The following PXDNL variants were observed in gnomAD, a reference collection of about 807,000 sequenced individuals.
The protein encoded by PXDNL is peroxidasin like.
PXDNL carries 145 observed loss-of-function variants against 150.8 expected under a neutral mutation model. The observed-to-expected ratio is 0.96, with a 90% CI of 0.84 to 1.10. PXDNL has a LOEUF of 1.10. Ranked by LOEUF, PXDNL falls within the 50% of genes least tolerant of loss-of-function variation. The pLI, the probability that PXDNL is intolerant of heterozygous loss-of-function variation, is 0.00. For missense variants in PXDNL, 2,087 were observed against 1,873.9 expected, an observed-to-expected ratio of 1.11 and a Z score of -2.10; for synonymous variants, 757 against 725.7, an observed-to-expected ratio of 1.04 and a Z score of -0.69.
chr8:51,739,940 G>A (rs4873589), intron 1 of PXDNL, among the ~76,000 whole-genome samples: 145,454 of 151,714 alleles, frequency 0.96, 70,032 homozygotes, highest in East Asian at 1. Context: ...TTCACAATCT[G>A]AAACACAAAA....
At chr8:51,416,602 C>CACATATAATA (rs751749946) in intron 14 of PXDNL, among the ~76,000 whole-genome samples, 12 of 152,292 alleles carry the variant, frequency 7.9e-5, no homozygotes, top group Non-Finnish European at 1.6e-4. Flanking sequence ...TATAAGGTGG[C>CACATATAATA]TTTCACGATT....
At position 51,371,755 on chromosome 8, in the gene PXDNL, T is replaced by C. The variant is rs1807119651; in HGVS notation, c.3901+118A>G. ...TGTCAGATTTCCAAAAGGAAAGTTC[T>C]GTGTTGTTGGCTTTTTGCGTATCTT... On this transcript the variant is annotated intron_variant, in intron 19 of 22. Transcript: ENST00000356297. 31 of 937,508 alleles carry C rather than the reference T, an allele frequency of 3.3e-5. No individual in the cohort carries two copies. In the South Asian group the frequency reaches 4.5e-4, roughly 14 times the overall value. 58.1% of individuals were successfully genotyped at this position (937,508 alleles called of 1,614,324 possible). A position where few individuals can be genotyped will look rare whatever the true frequency, so the allele number is the denominator to read the frequency against.
intron 21 of PXDNL, among the ~76,000 whole-genome samples, chr8:51,335,682 T>C (rs867202469): frequency 4.4e-5 from 6 of 137,576 alleles, no homozygotes; most frequent in East Asian, 2.1e-4. Context: ...TTATATACCC[T>C]ACACACACAC....
At chr8:51,756,219 T>C (rs1184585734) in intron 1 of PXDNL, among the ~76,000 whole-genome samples, 1 of 151,844 alleles carries the variant, frequency 6.6e-6, no homozygotes, top group African/African-American at 2.4e-5. Flanking sequence ...CAAGGCAAAA[T>C]ACCATCTCTG....
rs1808512945 is a variant in PXDNL, at chr8:51,408,628, T to C, written c.2996A>G (p.Gln999Arg). 6.2e-7 allele frequency: 1 copy of C among 1,608,852 alleles called. No homozygotes were observed. The highest frequency in any genetic ancestry group is 2.2e-5 in the East Asian group (1 of 44,680). Reference sequence around the variant, plus strand: ...CGCGCCCACGATCTTCCTGGCTTCCTGGTAAACCGTGTTTCCCTCCCAGTG... The same window carrying C: ...CGCGCCCACGATCTTCCTGGCTTCCCGGTAAACCGTGTTTCCCTCCCAGTG... Reference protein sequence around the residue: ...NPHWEGNTVYQEARKIVGAEL... With the variant: ...NPHWEGNTVYREARKIVGAEL... The change falls in exon 17 of 23, where the codon CAG becomes CGG. Residue 999 changes from glutamine to arginine, a missense_variant. Transcript: ENST00000356297.
intron 19 of PXDNL, among the ~76,000 whole-genome samples, chr8:51,352,311 C>T (rs1806376924): frequency 6.6e-6 from 1 of 152,162 alleles, no homozygotes; most frequent in African/African-American, 2.4e-5. Context: ...CACAGCTCTA[C>T]TCAAAAGAGC....
intron 2 of PXDNL, among the ~76,000 whole-genome samples, chr8:51,607,899 G>GGGGA (rs1407871860): frequency 5.4e-5 from 5 of 91,760 alleles, no homozygotes; most frequent in Admixed American, 1.0e-4. Flanking sequence ...GAAGGAAGGT[G>GGGGA]GGGAGGGAGG....
chr8:51,384,377 C>CAA (rs11289787), intron 17 of PXDNL, among the ~76,000 whole-genome samples: 30 of 141,230 alleles, frequency 2.1e-4, no homozygotes, highest in African/African-American at 7.0e-4. Context: ...AGGTGAATGA[C>CAA]AAAAAAAAAA....
At chr8:51,499,961 T>A (rs148572069) in intron 4 of PXDNL, among the ~76,000 whole-genome samples, 191 bp from the exon 5 acceptor site, 1 of 152,308 alleles carries the variant, frequency 6.6e-6, no homozygotes, top group Non-Finnish European at 1.5e-5. Context: ...TCTAAAAACC[T>A]GATGTTCCAA....
At chr8:51,530,382 G>C (rs7017007) in intron 4 of PXDNL, among the ~76,000 whole-genome samples, 17,037 of 151,912 alleles carry the variant, frequency 0.11, 1,783 homozygotes, top group African/African-American at 0.27. Context: ...ACAGTTCTCC[G>C]CTGCTCCTCC....
chr8:51,448,415 A>G (rs1249289556), intron 11 of PXDNL, among the ~76,000 whole-genome samples: 1 of 152,250 alleles, frequency 6.6e-6, no homozygotes, highest in African/African-American at 2.4e-5. Context: ...TAAAACTGCT[A>G]CACTTGCGGC....
At chr8:51,756,707 T>A in intron 1 of PXDNL, among the ~76,000 whole-genome samples, 1 of 152,136 alleles carries the variant, frequency 6.6e-6, no homozygotes. Context: ...ACTTTAAAAA[T>A]TATTTTATTG....
intron 1 of PXDNL, among the ~76,000 whole-genome samples, chr8:51,707,793 C>T (rs1232719526): frequency 6.6e-6 from 1 of 152,140 alleles, no homozygotes; most frequent in African/African-American, 2.4e-5. Context: ...CTGTGACTGG[C>T]TTATTTCACT....
At chr8:51,415,324 T>C (rs1205856865) in intron 14 of PXDNL, among the ~76,000 whole-genome samples, 1 of 152,146 alleles carries the variant, frequency 6.6e-6, no homozygotes, top group African/African-American at 2.4e-5. Context: ...AGAGGTTTAA[T>C]TGGCTTACAG....
At chr8:51,373,189 T>C (rs998095870) in intron 18 of PXDNL, among the ~76,000 whole-genome samples, 2 of 152,150 alleles carry the variant, frequency 1.3e-5, no homozygotes, top group African/African-American at 4.8e-5. Context: ...ATGTCTGGTG[T>C]CCTTATAAGA....
At chr8:51,784,736 G>GAA (rs60786114) in intron 1 of PXDNL, among the ~76,000 whole-genome samples, 8 of 150,328 alleles carry the variant, frequency 5.3e-5, no homozygotes, top group Non-Finnish European at 8.9e-5. Flanking sequence ...CCTGCAGTTA[G>GAA]AAAAAAAAAA....
intron 2 of PXDNL, among the ~76,000 whole-genome samples, chr8:51,615,593 G>A (rs928123854): frequency 1.3e-5 from 2 of 152,116 alleles, no homozygotes; most frequent in Non-Finnish European, 2.9e-5. Flanking sequence ...CTATATGAGG[G>A]ATTGCACCTA....
chr8:51,360,247 C>A (rs1806679625), intron 19 of PXDNL, among the ~76,000 whole-genome samples: 1 of 151,976 alleles, frequency 6.6e-6, no homozygotes, highest in South Asian at 2.1e-4. Flanking sequence ...ATGTACATAC[C>A]CATATGTGTA....
chr8:51,761,356 A>G (rs1339344454), intron 1 of PXDNL, among the ~76,000 whole-genome samples: 1 of 152,086 alleles, frequency 6.6e-6, no homozygotes, highest in Non-Finnish European at 1.5e-5. Flanking sequence ...GGTTTTACTC[A>G]TCTGTAAAAC....
Sources: gnomAD v4.1 joint callset for allele counts (sites outside exome capture counted in the v4.1 genomes callset) on GRCh38, gnomAD v4.1.1 for gene constraint, MANE v1.5 for transcripts, NCBI Gene and HGNC (gene_info 2026-07-23, HGNC 2026-07-21) for gene names.